Variants in RSU1 observed in about 807,000 individuals in gnomAD.
The protein encoded by RSU1 is rsu-1.
In RSU1, 26 loss-of-function variants were observed where a neutral mutation model predicts 31.1. The ratio of observed to expected loss-of-function variants is 0.84; its 90% confidence interval spans 0.61 to 1.16. The LOEUF (loss-of-function observed/expected upper bound fraction) is 1.16, where lower values mean the gene tolerates loss of function less well. RSU1 is among the 50% of genes most tolerant of loss of function. RSU1 has a pLI of 0.00. For synonymous variants in RSU1, 164 were observed against 136.3 expected (o/e 1.20, Z -1.41); for missense variants, 320 against 339.1 (o/e 0.94, Z 0.44).
At chr10:16,756,365 T>G (rs1048053845) in intron 4 of RSU1, among the ~76,000 whole-genome samples, 1 of 152,172 alleles carries the variant, frequency 6.6e-6, no homozygotes, top group Non-Finnish European at 1.5e-5. Flanking sequence ...AATCATACAA[T>G]TGACCCTTGA....
At chr10:16,697,813 T>C (rs1256640110) in intron 7 of RSU1, among the ~76,000 whole-genome samples, 1 of 152,104 alleles carries the variant, frequency 6.6e-6, no homozygotes, top group Non-Finnish European at 1.5e-5. Flanking sequence ...GTGAGTATTT[T>C]CCCCTAAATA....
At chr10:16,773,152 T>C (rs571587233) in intron 3 of RSU1, among the ~76,000 whole-genome samples, 57 of 151,568 alleles carry the variant, frequency 3.8e-4, no homozygotes, top group Admixed American at 2.7e-3. Context: ...TGAGCTGAGA[T>C]TGCATCACTG....
chr10:16,683,817 G>T (rs1298532438), intron 8 of RSU1, among the ~76,000 whole-genome samples: 1 of 152,168 alleles, frequency 6.6e-6, no homozygotes, highest in Non-Finnish European at 1.5e-5. Flanking sequence ...TACTGGTTTG[G>T]TCCAAAGGCG....
At chr10:16,635,952 T>A (rs189546197) in intron 8 of RSU1, among the ~76,000 whole-genome samples, 5 of 152,318 alleles carry the variant, frequency 3.3e-5, no homozygotes, top group African/African-American at 1.2e-4. Context: ...CTGGAGATAC[T>A]CAACTCCCTT....
chr10:16,597,551 T>C (rs761073123), intron 8 of RSU1, among the ~76,000 whole-genome samples: 1 of 152,170 alleles, frequency 6.6e-6, no homozygotes, highest in Non-Finnish European at 1.5e-5. Context: ...GAGATGTCGT[T>C]TGTCTTCCTT....
At chr10:16,686,044 G>C (rs923655805) in intron 8 of RSU1, among the ~76,000 whole-genome samples, 3 of 152,196 alleles carry the variant, frequency 2.0e-5, no homozygotes, top group Admixed American at 6.5e-5. Flanking sequence ...AAAGTTGATT[G>C]AAACTCCTTT....
At chr10:16,613,450 C>T (rs1833926701) in intron 8 of RSU1, among the ~76,000 whole-genome samples, 1 of 152,192 alleles carries the variant, frequency 6.6e-6, no homozygotes, top group Non-Finnish European at 1.5e-5. Flanking sequence ...GTGGACTTCA[C>T]CACTCTAACT....
At chr10:16,725,496 T>C (rs1399323845) in intron 7 of RSU1, among the ~76,000 whole-genome samples, 2 of 152,012 alleles carry the variant, frequency 1.3e-5, no homozygotes, top group Non-Finnish European at 2.9e-5. Flanking sequence ...CGAAAGCATC[T>C]TGAGCGGGGG....
At chr10:16,605,145 T>C (rs1833781106) in intron 8 of RSU1, among the ~76,000 whole-genome samples, 1 of 152,172 alleles carries the variant, frequency 6.6e-6, no homozygotes, top group Admixed American at 6.5e-5. Context: ...TTAGGCCTTG[T>C]GTTCCTTGTA....
intron 2 of RSU1, among the ~76,000 whole-genome samples, chr10:16,797,247 C>T (rs1838057033): frequency 6.6e-6 from 1 of 152,072 alleles, no homozygotes; most frequent in Admixed American, 6.5e-5. Context: ...CCCTACTCCA[C>T]AAGGAGCAGT....
At position 16,763,414 on chromosome 10, in the gene RSU1, C is replaced by G. The variant is rs574719626; in HGVS notation, c.281+976G>C. Among the ~76,000 whole-genome samples, 4 of 152,258 alleles carry G rather than the reference C, an allele frequency of 2.6e-5. No individual in the cohort carries two copies. In the South Asian group the frequency reaches 8.3e-4, roughly 32 times the overall value. The stretch of plus-strand genomic sequence containing the variant: ...TGCTTATTACATGGCAGGAGCAAGA[C>G]AGCACAAGGGGGGAGGTGCTACGCA... On this transcript the variant is annotated intron_variant, in intron 4 of 8. Coordinates refer to ENST00000345264, the MANE Select transcript of RSU1 (RefSeq NM_012425.4).
chr10:16,690,566 CT>C (rs199609423), intron 8 of RSU1, among the ~76,000 whole-genome samples: 2,291 of 152,300 alleles, frequency 0.015, 22 homozygotes, highest in South Asian at 0.054. Flanking sequence ...GCTAAGTCAT[CT>C]CCAAGTATTT....
At chr10:16,676,334 T>A (rs928504515) in intron 8 of RSU1, among the ~76,000 whole-genome samples, 1 of 152,202 alleles carries the variant, frequency 6.6e-6, no homozygotes, top group African/African-American at 2.4e-5. Context: ...CAAAGGCACA[T>A]CTTACATGGT....
At chr10:16,623,822 C>T (rs2131482253) in intron 8 of RSU1, among the ~76,000 whole-genome samples, 1 of 152,256 alleles carries the variant, frequency 6.6e-6, no homozygotes, top group East Asian at 1.9e-4. Flanking sequence ...TACAACTTAT[C>T]TTCATAAAAC....
At chr10:16,599,709 G>A (rs927851192) in intron 8 of RSU1, among the ~76,000 whole-genome samples, 4 of 152,228 alleles carry the variant, frequency 2.6e-5, no homozygotes, top group African/African-American at 9.6e-5. Context: ...GACAGCTGCC[G>A]CTTCTAACCT....
intron 8 of RSU1, among the ~76,000 whole-genome samples, chr10:16,606,698 A>G (rs1049947108): frequency 2.6e-5 from 4 of 152,202 alleles, no homozygotes; most frequent in African/African-American, 7.2e-5. Flanking sequence ...CATGTGGAGC[A>G]CACATTGTCC....
intron 8 of RSU1, among the ~76,000 whole-genome samples, chr10:16,660,116 A>G (rs1478195601): frequency 6.6e-6 from 1 of 152,210 alleles, no homozygotes; most frequent in Non-Finnish European, 1.5e-5. Flanking sequence ...CTAGTAAGGT[A>G]ATACTGTCTA....
chr10:16,734,777 C>A (rs1011135383), intron 7 of RSU1, among the ~76,000 whole-genome samples: 2 of 152,120 alleles, frequency 1.3e-5, no homozygotes, highest in African/African-American at 4.8e-5. Context: ...GTGTTATGGG[C>A]TGAATTCCAT....
intron 7 of RSU1, among the ~76,000 whole-genome samples, chr10:16,711,074 T>G (rs1564327442): frequency 6.6e-6 from 1 of 152,184 alleles, no homozygotes; most frequent in South Asian, 2.1e-4. Context: ...AGACTTTTTA[T>G]AACTAATTGT....
Sources: allele counts gnomAD v4.1 joint callset (sites outside exome capture counted in the v4.1 genomes callset), GRCh38; gene constraint gnomAD v4.1.1; transcripts MANE v1.5; gene names NCBI Gene and HGNC (gene_info 2026-07-23, HGNC 2026-07-21).